Variants in SAMD12 observed in about 807,000 individuals in gnomAD.
SAMD12 encodes the protein sterile alpha motif domain containing 12, also known as sterile alpha motif domain-containing protein 12.
Under a neutral mutation model 15.0 loss-of-function variants are expected in SAMD12, and 9 were observed. The observed-to-expected ratio is 0.60, with a 90% CI of 0.36 to 1.05. SAMD12 has a LOEUF of 1.05. SAMD12 is among the 50% of genes least tolerant of loss of function. SAMD12 has a pLI of 0.01. For synonymous variants in SAMD12, 86 were observed against 90.1 expected (o/e 0.96, Z 0.25); for missense variants, 230 against 234.2 (o/e 0.98, Z 0.12).
intron 4 of SAMD12, among the ~76,000 whole-genome samples, chr8:118,254,447 T>C (rs1812887460): frequency 6.6e-6 from 1 of 152,184 alleles, no homozygotes; most frequent in East Asian, 1.9e-4. Flanking sequence ...CAGCGAGCTA[T>C]GCTGGAAGTG....
At chr8:118,564,285 C>G (rs1003712407) in intron 2 of SAMD12, among the ~76,000 whole-genome samples, 1 of 151,708 alleles carries the variant, frequency 6.6e-6, no homozygotes, top group Non-Finnish European at 1.5e-5. Flanking sequence ...TCAAGCCCAG[C>G]AACTGAGACC....
At chr8:118,225,498 T>C (rs1452572099) in intron 4 of SAMD12, among the ~76,000 whole-genome samples, 2 of 152,100 alleles carry the variant, frequency 1.3e-5, no homozygotes, top group African/African-American at 4.8e-5. Context: ...CTGCAAGGGG[T>C]GAGCTCTGTA....
intron 2 of SAMD12, among the ~76,000 whole-genome samples, chr8:118,579,695 GGT>G (rs1296247501): frequency 1.3e-5 from 2 of 152,100 alleles, no homozygotes; most frequent in Non-Finnish European, 2.9e-5. Flanking sequence ...ATTTTTCTTA[GGT>G]GCTTACAACA....
At chr8:118,248,015 G>C (rs1166296483) in intron 4 of SAMD12, among the ~76,000 whole-genome samples, 1 of 152,068 alleles carries the variant, frequency 6.6e-6, no homozygotes, top group African/African-American at 2.4e-5. Context: ...ATACAACAGG[G>C]ATAAAGAAAA....
chr8:118,435,277 AATT>A (rs1053489060), intron 3 of SAMD12, among the ~76,000 whole-genome samples: 17 of 152,256 alleles, frequency 1.1e-4, no homozygotes, highest in African/African-American at 1.9e-4. Flanking sequence ...ATATTTACCT[AATT>A]ATTATTATGG....
At chr8:118,398,829 A>G (rs1563829293) in intron 3 of SAMD12, among the ~76,000 whole-genome samples, 1 of 152,144 alleles carries the variant, frequency 6.6e-6, no homozygotes, top group African/African-American at 2.4e-5. Flanking sequence ...TACACTTTAA[A>G]TATGTGCAGT....
chr8:118,426,849 GGTGA>G (rs1286382435), intron 3 of SAMD12, among the ~76,000 whole-genome samples: 2 of 152,152 alleles, frequency 1.3e-5, no homozygotes, highest in Non-Finnish European at 2.9e-5. Context: ...ATAAAATGGT[GGTGA>G]GAGTACTTTT....
intron 4 of SAMD12, among the ~76,000 whole-genome samples, chr8:118,202,626 GAA>G (rs17507313): frequency 0.012 from 1,881 of 152,286 alleles, 51 homozygotes; most frequent in African/African-American, 0.043. Flanking sequence ...TGGAGAAGAA[GAA>G]AAGATATTAT....
intron 2 of SAMD12, among the ~76,000 whole-genome samples, chr8:118,532,178 G>T (rs1825708010): frequency 1.3e-5 from 2 of 152,132 alleles, no homozygotes; most frequent in African/African-American, 4.8e-5. Context: ...GGCCTTTTCT[G>T]CATCTATTGA....
chr8:118,405,559 T>C (rs1324238996), intron 3 of SAMD12, among the ~76,000 whole-genome samples: 1 of 152,164 alleles, frequency 6.6e-6, no homozygotes, highest in Non-Finnish European at 1.5e-5. Flanking sequence ...GTTCTAGAAA[T>C]AGTCTTATGT....
At chr8:118,582,257 T>C (rs1476550793) in intron 1 of SAMD12, among the ~76,000 whole-genome samples, 1 of 152,172 alleles carries the variant, frequency 6.6e-6, no homozygotes, top group Non-Finnish European at 1.5e-5. Context: ...TTCTTATGAA[T>C]GTCAGACAAG....
intron 4 of SAMD12, among the ~76,000 whole-genome samples, chr8:118,328,528 T>C (rs1816665029): frequency 6.6e-6 from 1 of 152,238 alleles, no homozygotes; most frequent in African/African-American, 2.4e-5. Flanking sequence ...TGTTCTATTC[T>C]ATATTTTAAG....
the SAMD12 span, among the ~76,000 whole-genome samples, chr8:118,169,578 G>A: frequency 1.3e-5 from 2 of 152,124 alleles, no homozygotes; most frequent in Non-Finnish European, 2.9e-5. Context: ...TCCAGCCATG[G>A]TTCAGGACCA....
At chr8:118,336,539 G>A (rs917004002) in intron 4 of SAMD12, among the ~76,000 whole-genome samples, 7 of 152,158 alleles carry the variant, frequency 4.6e-5, no homozygotes, top group African/African-American at 1.2e-4. Flanking sequence ...TAGATACCCC[G>A]TAATGGGATG....
At chr8:118,592,863 G>C (rs779868338) in intron 1 of SAMD12, among the ~76,000 whole-genome samples, 67 of 152,050 alleles carry the variant, frequency 4.4e-4, no homozygotes, top group Non-Finnish European at 7.5e-4. Flanking sequence ...TTCTGTTCTG[G>C]AAATAAAAAC....
intron 1 of SAMD12, among the ~76,000 whole-genome samples, chr8:118,604,473 G>A (rs1275457995): frequency 1.3e-5 from 2 of 152,088 alleles, no homozygotes; most frequent in Admixed American, 1.3e-4. Context: ...AAAATTTTAA[G>A]ATAAAAATAG....
At chr8:118,176,931 A>G in the SAMD12 span, among the ~76,000 whole-genome samples, 2 of 152,196 alleles carry the variant, frequency 1.3e-5, no homozygotes, top group African/African-American at 4.8e-5. Context: ...TTGTGTGGGA[A>G]AGTGGTCATT....
intron 2 of SAMD12, among the ~76,000 whole-genome samples, chr8:118,576,486 T>C (rs1827156953): frequency 6.6e-6 from 1 of 152,186 alleles, no homozygotes; most frequent in South Asian, 2.1e-4. Context: ...ATACCTTGGC[T>C]CAAAGTGCTT....
At position 118,409,291 on chromosome 8, in the gene SAMD12, GAAC is replaced by G. The variant is rs375813337; in HGVS notation, c.323-29594_323-29592del. Among the ~76,000 whole-genome samples the G allele has an allele frequency of 1.2e-4, 19 of 152,154 alleles. 1 individual carries two copies. Among genetic ancestry groups the G allele is most frequent in the African/African-American group, 4.6e-4 (19 of 41,484 alleles). ...GATCATTGACGAGATGAGTTTTTGA[GAAC>G]AACTGTGTTTCTACAATTTTCTTTT... On this transcript the variant is annotated intron_variant, in intron 3 of 3. Coordinates refer to ENST00000314727, the MANE Select transcript of SAMD12 (RefSeq NM_207506.3).
Sources: gnomAD v4.1 joint callset for allele counts (sites outside exome capture counted in the v4.1 genomes callset) on GRCh38, gnomAD v4.1.1 for gene constraint, MANE v1.5 for transcripts, NCBI Gene and HGNC (gene_info 2026-07-23, HGNC 2026-07-21) for gene names.